Variants in CIITA observed in about 807,000 individuals in gnomAD.
CIITA encodes the protein class II major histocompatibility complex transactivator.
CIITA carries 72 observed loss-of-function variants against 115.1 expected under a neutral mutation model. The observed-to-expected ratio is 0.63, with a 90% CI of 0.52 to 0.76. The LOEUF (loss-of-function observed/expected upper bound fraction) is 0.76. CIITA is among the 30% of genes least tolerant of loss of function. CIITA has a pLI of 0.00. For synonymous variants in CIITA, 763 were observed against 635.6 expected, an observed-to-expected ratio of 1.20 and a Z score of -3.02; for missense variants, 1,617 against 1,463.8, an observed-to-expected ratio of 1.10 and a Z score of -1.71.
intron 1 of CIITA, among the ~76,000 whole-genome samples, chr16:10,890,417 G>A (rs964931402): frequency 6.6e-6 from 1 of 152,096 alleles, no homozygotes; most frequent in Non-Finnish European, 1.5e-5. Context: ...CTCCTGAGTA[G>A]CTGGTTCTAC....
In CIITA at chr16:10,927,991, C is replaced by T. The variant is rs990021840; in HGVS notation, c.*4136C>T. ...TGGTCACTCTTCCTCGCAGGCCTCT[C>T]TCTGCATACAAATGTCTCCCTCCTG... is the stretch of plus-strand genomic sequence containing the variant. On this transcript the variant is annotated 3_prime_UTR_variant, in exon 20 of 20. Coordinates refer to ENST00000324288, the MANE Select transcript of CIITA (RefSeq NM_000246.4). 7 of 152,272 alleles carry T rather than the reference C, an allele frequency of 4.6e-5. No individual in the cohort carries two copies. Among genetic ancestry groups the T allele is most frequent in the Non-Finnish European group, 2.9e-5 (2 of 68,072 alleles). The allele number at this position is 152,272 out of a possible 1,614,324, so 9.4% of individuals were successfully genotyped here.
At position 10,920,813 on chromosome 16, in the gene CIITA, C is replaced by G. The variant is rs542330678; in HGVS notation, c.3150-1354C>G. Among the ~76,000 whole-genome samples, 1 of 152,282 alleles carries G rather than the reference C, an allele frequency of 6.6e-6. No individual in the cohort carries two copies. Among genetic ancestry groups the G allele is most frequent in the East Asian group, 1.9e-4 (1 of 5,188 alleles). ...GTTTCTGCACTGGTACCGGCCGACC[C>G]GTGATGTGAGTTGATTTAGCCTGAA... On this transcript the variant is annotated intron_variant, in intron 16 of 19. Transcript: ENST00000324288. This position sits in a 1 kb window ranked among gnomAD's most constrained non-coding sequence, Gnocchi z 4.5.
chr16:10,903,654 T>A, intron 8 of CIITA, 77 bp from the exon 9 acceptor site: 1 of 1,503,504 alleles, frequency 6.7e-7, no homozygotes. Flanking sequence ...CAGCCCAGTT[T>A]GGAGTAGGGG....
intron 16 of CIITA, 113 bp downstream of exon 16, chr16:10,918,639 A>G (rs1382877823): frequency 3.6e-6 from 3 of 842,132 alleles, no homozygotes; most frequent in African/African-American, 1.7e-5. Context: ...CAATCACCAC[A>G]GCCCTGAACA....
intron 1 of CIITA, among the ~76,000 whole-genome samples, chr16:10,869,325 A>T (rs545306694): frequency 6.6e-6 from 1 of 152,086 alleles, no homozygotes. Context: ...CGCTCAGCAC[A>T]CTGTCTGCCT....
intron 1 of CIITA, among the ~76,000 whole-genome samples, chr16:10,884,052 T>G (rs2143763852): frequency 7.1e-6 from 1 of 141,570 alleles, no homozygotes. Context: ...ACTCTTGGTG[T>G]TGTACATTCT....
rs772148055 is a variant in CIITA, at chr16:10,901,813, C to T, written c.482-225C>T. 1.7e-5 allele frequency: 12 copies of T among 709,556 alleles called. No homozygotes were observed. In the Admixed American group the frequency reaches 2.6e-4, roughly 15 times the overall value. The allele number at this position is 709,556 out of a possible 1,614,324, so 44.0% of individuals were successfully genotyped here. A position where few individuals can be genotyped will look rare whatever the true frequency, so the allele number is the denominator to read the frequency against. ...TCTGCCCCAGCTCTCCGTGTGGAGG[C>T]CCTAGGGTCCTGCTCAGCATAGCTC... On this transcript the variant is annotated intron_variant, in intron 6 of 19. Transcript: ENST00000324288. This position sits in a 1 kb window ranked among gnomAD's most constrained non-coding sequence, Gnocchi z 6.8.
intron 1 of CIITA, among the ~76,000 whole-genome samples, chr16:10,885,338 A>G (rs2036836113): frequency 6.6e-6 from 1 of 152,016 alleles, no homozygotes; most frequent in African/African-American, 2.4e-5. Flanking sequence ...ACACACATAC[A>G]CATGCACACA....
intron 5 of CIITA, among the ~76,000 whole-genome samples, chr16:10,900,650 G>A (rs946548826): frequency 6.6e-6 from 1 of 151,652 alleles, no homozygotes; most frequent in Non-Finnish European, 1.5e-5. Flanking sequence ...TAGGGTGGGA[G>A]AATCGCTTGA....
At position 10,941,936 on chromosome 16, in the gene CIITA, G is replaced by C. The variant is rs764364738; in HGVS notation, n.1062G>C. 1.4e-5 allele frequency: 23 copies of C among 1,587,746 alleles called. No homozygotes were observed. Among genetic ancestry groups the C allele is most frequent in the South Asian group, 1.0e-4 (9 of 88,210 alleles). On this transcript the variant is annotated non_coding_transcript_exon_variant, in exon 2 of 2. Transcript: ENST00000573379. The surrounding 1 kb of genome is among the most constrained non-coding windows in gnomAD (Gnocchi z 6.4). Reference sequence around the variant, plus strand: ...CCCACGTAGAACATAGAGGGCAGCAGCGGCGGCGGCACGTAGGGGACCAGG... The same window carrying C: ...CCCACGTAGAACATAGAGGGCAGCACCGGCGGCGGCACGTAGGGGACCAGG...
intron 1 of CIITA, chr16:10,878,836 G>C (rs2036103600): frequency 4.3e-6 from 1 of 230,576 alleles, no homozygotes; most frequent in African/African-American, 2.2e-5. Flanking sequence ...TTCTGATAAA[G>C]CACGTGGTGG....
chr16:10,909,883 C>T (rs368384198), intron 12 of CIITA, among the ~76,000 whole-genome samples: 7 of 151,888 alleles, frequency 4.6e-5, no homozygotes, highest in African/African-American at 1.2e-4. Context: ...TATAGGTGCA[C>T]GTCATCACAC....
chr16:10,900,601 G>A (rs7499753), intron 5 of CIITA, among the ~76,000 whole-genome samples: 15,895 of 152,054 alleles, frequency 0.1, 1,145 homozygotes, highest in African/African-American at 0.2. Flanking sequence ...TTAGCCAGGC[G>A]TGGTGGCGAA....
At chr16:10,893,813 A>G (rs1206705504) in intron 1 of CIITA, among the ~76,000 whole-genome samples, 2 of 139,086 alleles carry the variant, frequency 1.4e-5, no homozygotes, top group Non-Finnish European at 3.0e-5. Context: ...TTAAAAAAAA[A>G]AAAAAAAAAA....
rs1389558260 is a variant in CIITA at position 10,928,702 on chromosome 16, A to G, written c.*4847A>G. The G allele has an allele frequency of 6.6e-6, 1 of 152,102 alleles. No individual in the cohort carries two copies. The highest frequency in any genetic ancestry group is 2.4e-5 in the African/African-American group (1 of 41,354). 9.4% of individuals were successfully genotyped at this position (152,102 alleles called of 1,614,324 possible). On this transcript the variant is annotated 3_prime_UTR_variant, in exon 20 of 20. Coordinates refer to ENST00000324288, the MANE Select transcript of CIITA (RefSeq NM_000246.4). The stretch of plus-strand genomic sequence containing the variant: ...CCAGCTTGGCCTTCAGGCTTTTCCC[A>G]CCACACCCCAAATGCTGTCCCTGGC...
intron 9 of CIITA, 92 bp downstream of exon 9, chr16:10,903,987 G>T: frequency 6.5e-7 from 1 of 1,546,512 alleles, no homozygotes; most frequent in Admixed American, 1.7e-5. Context: ...AAGCAAAGCT[G>T]CCTGTAGGGA....
chr16:10,904,124 C>T (rs1438755580), intron 9 of CIITA, among the ~76,000 whole-genome samples: 1 of 152,200 alleles, frequency 6.6e-6, no homozygotes, highest in Non-Finnish European at 1.5e-5. Context: ...CCTTCAGCTG[C>T]TTGTTACCCA....
chr16:10,869,174 G>A (rs751149755), intron 1 of CIITA, among the ~76,000 whole-genome samples: 7 of 152,142 alleles, frequency 4.6e-5, no homozygotes, highest in Admixed American at 1.3e-4. Context: ...TGGCTCCCAC[G>A]TTACTCAGAG....
chr16:10,880,955 T>C lies in CIITA; in HGVS notation c.52+3573T>C, dbSNP rs558101847. On this transcript the variant is annotated intron_variant, in intron 1 of 19. Transcript: ENST00000324288. ...ATTCATGCATTGGGAATAATTATTA[T>C]AGATCCTAAAGGGATTGTTTAGAAA... is the stretch of plus-strand genomic sequence containing the variant. Among the ~76,000 whole-genome samples, 212 of 152,296 alleles carry C rather than the reference T, an allele frequency of 1.4e-3. 9 individuals carry two copies. In the South Asian group the frequency reaches 0.042, roughly 30 times the overall value.
Sources: allele counts gnomAD v4.1 joint callset (sites outside exome capture counted in the v4.1 genomes callset), GRCh38; gene constraint gnomAD v4.1.1; non-coding constraint Gnocchi (gnomAD v3.1); transcripts MANE v1.5; gene names NCBI Gene and HGNC (gene_info 2026-07-23, HGNC 2026-07-21).